Variants in EGF observed in about 807,000 individuals in gnomAD.
EGF encodes the protein pro-epidermal growth factor.
A neutral mutation model predicts 143.8 loss-of-function variants in EGF; 95 were observed. The observed-to-expected ratio is 0.66, with a 90% CI of 0.56 to 0.78. The LOEUF (loss-of-function observed/expected upper bound fraction) is 0.78. Among genes scored for constraint, EGF ranks in the 30% least tolerant of loss-of-function variants. The pLI is 0.00. For missense variants in EGF, 1,320 were observed against 1,470.9 expected (o/e 0.90, Z 1.68); for synonymous variants, 510 against 510.5 (o/e 1.00, Z 0.01).
chr4:110,011,084 T>C, intron 23 of EGF, 118 bp from the exon 24 acceptor site: 1 of 1,205,094 alleles, frequency 8.3e-7, no homozygotes, highest in Non-Finnish European at 1.2e-6. Flanking sequence ...AGTTTGAAAA[T>C]GGGTTATCTT....
chr4:110,008,851 C>A lies in EGF; in HGVS notation c.3370+621C>A, dbSNP rs1175167261. On this transcript the variant is annotated intron_variant, in intron 23 of 23. Coordinates refer to ENST00000265171, the MANE Select transcript of EGF (RefSeq NM_001963.6). Reference sequence around the variant, plus strand: ...CCCTTAAGAGTTGTATTATGATCAGCCTTTTGGTTTTGGGTCTCAGGTTGA... The same window carrying A: ...CCCTTAAGAGTTGTATTATGATCAGACTTTTGGTTTTGGGTCTCAGGTTGA... Among the ~76,000 whole-genome samples, 4 of 152,150 alleles carry A rather than the reference C, an allele frequency of 2.6e-5. No individual in the cohort carries two copies. In the East Asian group the frequency reaches 7.7e-4, roughly 29 times the overall value.
At chr4:109,946,681 GT>G (rs1185911202) in intron 5 of EGF, among the ~76,000 whole-genome samples, 1 of 151,948 alleles carries the variant, frequency 6.6e-6, no homozygotes, top group Non-Finnish European at 1.5e-5. Context: ...TATTTTGTTT[GT>G]TTTTTTAGCC....
At position 109,964,344 on chromosome 4, in the gene EGF, C is replaced by T. The variant is rs996057265; in HGVS notation, c.1439-57C>T. 11 of 1,604,606 alleles carry T rather than the reference C, an allele frequency of 6.9e-6. No individual in the cohort carries two copies. In the Admixed American group the frequency reaches 1.0e-4, roughly 15 times the overall value. On this transcript the variant is annotated intron_variant, in intron 9 of 23. Transcript: ENST00000265171. ...CAGTGAAAGGGAAGAGTCAGAGATGCCTCTTAGTTTCTAAGGCACGTTTTA... is the reference window on the plus strand; with the variant it reads ...CAGTGAAAGGGAAGAGTCAGAGATGTCTCTTAGTTTCTAAGGCACGTTTTA...
intron 12 of EGF, among the ~76,000 whole-genome samples, chr4:109,975,063 A>G (rs1748272523): frequency 2.0e-5 from 3 of 152,230 alleles, no homozygotes; most frequent in Admixed American, 2.0e-4. Context: ...ACTAGACTCA[A>G]GCTCATTCAT....
At chr4:109,943,189 A>G in intron 2 of EGF, 65 bp from the exon 3 acceptor site, 2 of 1,141,608 alleles carry the variant, frequency 1.8e-6, no homozygotes, top group African/African-American at 1.6e-5. Flanking sequence ...TATATATAAC[A>G]ATTAAAATAA....
At chr4:109,938,284 C>A (rs1741216403) in intron 1 of EGF, among the ~76,000 whole-genome samples, 1 of 152,106 alleles carries the variant, frequency 6.6e-6, no homozygotes, top group African/African-American at 2.4e-5. Context: ...TGCTGACATC[C>A]TTTCTTCCGC....
At chr4:109,997,766 G>A (rs756249486) in intron 20 of EGF, among the ~76,000 whole-genome samples, 1 of 152,248 alleles carries the variant, frequency 6.6e-6, no homozygotes, top group African/African-American at 2.4e-5. Context: ...GGGAGGCTGA[G>A]GTGGGAGAAT....
intron 10 of EGF, among the ~76,000 whole-genome samples, chr4:109,966,706 G>A (rs533031190): frequency 9.2e-5 from 14 of 152,024 alleles, no homozygotes; most frequent in Non-Finnish European, 1.6e-4. Flanking sequence ...AACATCTGCT[G>A]TTTTTTAACT....
chr4:109,964,754 G>A (rs183085525), intron 10 of EGF, among the ~76,000 whole-genome samples: 15 of 152,256 alleles, frequency 9.9e-5, no homozygotes, highest in Non-Finnish European at 1.6e-4. Flanking sequence ...ACGATTAGCC[G>A]TTTTATTGGA....
Position 109,913,004 on chromosome 4 carries a change from G to A in EGF, c.-332G>A, listed in dbSNP as rs919176698. ...CTTTCTTTTTCCTCTCTAAGCCTTT[G>A]CCTTGCTCTGTCACAGTGAAGTCAG... is the stretch of plus-strand genomic sequence containing the variant. On this transcript the variant is annotated 5_prime_UTR_variant, in exon 1 of 24. Coordinates refer to ENST00000265171, the MANE Select transcript of EGF (RefSeq NM_001963.6). The A allele has an allele frequency of 3.1e-6, 1 of 327,594 alleles. No individual in the cohort carries two copies. The highest frequency in any genetic ancestry group is 2.1e-5 in the African/African-American group (1 of 46,654). The allele number at this position is 327,594 out of a possible 1,614,324, so 20.3% of individuals were successfully genotyped here.
chr4:110,006,043 G>A (rs1252260560), intron 22 of EGF, among the ~76,000 whole-genome samples: 5 of 143,600 alleles, frequency 3.5e-5, no homozygotes, highest in African/African-American at 1.5e-4. Context: ...ACTCAAGTAT[G>A]GGGGAAAAAA....
At chr4:109,977,767 G>A (rs1748724423) in intron 13 of EGF, among the ~76,000 whole-genome samples, 1 of 152,210 alleles carries the variant, frequency 6.6e-6, no homozygotes, top group South Asian at 2.1e-4. Flanking sequence ...TTGAGCCTGG[G>A]ATGTTGAGGC....
At chr4:109,971,862 A>G (rs889576147) in intron 11 of EGF, among the ~76,000 whole-genome samples, 1 of 152,190 alleles carries the variant, frequency 6.6e-6, no homozygotes, top group South Asian at 2.1e-4. Flanking sequence ...CTAGGAAAAG[A>G]CAGATTCAAA....
At chr4:109,961,619 G>A (rs930828622) in intron 7 of EGF, among the ~76,000 whole-genome samples, 2 of 151,832 alleles carry the variant, frequency 1.3e-5, no homozygotes, top group African/African-American at 4.8e-5. Context: ...ATACATTATT[G>A]TATCTAAAAA....
Position 109,969,082 on chromosome 4 carries a change from G to C in EGF, c.1687G>C (p.Asp563His), listed in dbSNP as rs1196970827. 1 of 1,614,184 alleles carries C rather than the reference G, an allele frequency of 6.2e-7. No homozygotes were observed. The highest frequency in any genetic ancestry group is 2.2e-5 in the East Asian group (1 of 44,892). ...GVDVPEGLAVDWIGRRFYWTD... is the reference protein window; with the variant it reads ...GVDVPEGLAVHWIGRRFYWTD... ...AGATGTGCCAGAAGGTCTTGCTGTG[G>C]ACTGGATTGGCCGTAGATTCTATTG... The change falls in exon 11 of 24, where the codon GAC (aspartate) becomes CAC (histidine). Residue 563 changes from aspartate to histidine, a missense_variant. Physicochemically the swap from Asp to His is moderately conservative, Grantham distance 81. Transcript: ENST00000265171.
chr4:109,993,201 T>G, intron 18 of EGF, 46 bp from the exon 19 acceptor site: 1 of 1,611,108 alleles, frequency 6.2e-7, no homozygotes, highest in South Asian at 1.1e-5. Context: ...AAACCCTCTT[T>G]TTCTGTACCC....
chr4:109,968,788 T>C, intron 10 of EGF, 183 bp from the exon 11 acceptor site: 1 of 647,724 alleles, frequency 1.5e-6, no homozygotes, highest in South Asian at 1.9e-5. Flanking sequence ...TTCTGAGACA[T>C]TAAATAACTT....
intron 21 of EGF, chr4:110,004,227 C>G: frequency 2.2e-6 from 1 of 447,214 alleles, no homozygotes; most frequent in Non-Finnish European, 4.1e-6. Flanking sequence ...CACACACACA[C>G]ACACACACAC....
At chr4:109,918,255 G>GTTTTTTTTTTTT (rs36009201) in intron 1 of EGF, among the ~76,000 whole-genome samples, 2 of 143,440 alleles carry the variant, frequency 1.4e-5, no homozygotes, top group Non-Finnish European at 1.5e-5. Flanking sequence ...GCTAGGTGTG[G>GTTTTTTTTTTTT]TTTTTTTTTT....
Sources: gnomAD v4.1 joint callset for allele counts (sites outside exome capture counted in the v4.1 genomes callset) on GRCh38, gnomAD v4.1.1 for gene constraint, MANE v1.5 for transcripts, NCBI Gene and HGNC (gene_info 2026-07-23, HGNC 2026-07-21) for gene names.